The following POU2F1 variants were observed in gnomAD, a reference collection of about 807,000 sequenced individuals.
The protein encoded by POU2F1 is POU class 2 homeobox 1.
POU2F1 carries 16 observed loss-of-function variants against 84.9 expected under a neutral mutation model. That is an observed-to-expected ratio of 0.19 (90% CI 0.13 to 0.29). The LOEUF (loss-of-function observed/expected upper bound fraction) is 0.29. Ranked by LOEUF, POU2F1 falls within the 10% of genes least tolerant of loss-of-function variation. The pLI is 1.00. For synonymous variants in POU2F1, 368 were observed against 368.3 expected, an observed-to-expected ratio of 1.00 and a Z score of 0.01; for missense variants, 738 against 942.6, an observed-to-expected ratio of 0.78 and a Z score of 2.84.
chr1:167,370,143 TC>T lies in POU2F1; in HGVS notation c.229-14del. On this transcript the variant is annotated splice_polypyrimidine_tract_variant and intron_variant, in intron 3 of 15. Transcript: ENST00000367866. ...ATGTCAACAGTATTAAACTAGAACT[TC>T]CCCTGATTACTTATAGGTCCAACTC... The T allele has an allele frequency of 6.3e-7, 1 of 1,598,536 alleles. No homozygotes were observed. The highest frequency in any genetic ancestry group is 8.6e-7 in the Non-Finnish European group (1 of 1,169,556).
In POU2F1 at chr1:167,407,211, G is replaced by C. The variant is rs1649643676; in HGVS notation, c.1556-4748G>C. ...CGCCCAGCTAATATTTGTATTTTTT[G>C]TAGAGACGAGGTTTTGCCATATTGC... On this transcript the variant is annotated intron_variant, in intron 13 of 15. Transcript: ENST00000367866. 2.0e-5 allele frequency among the ~76,000 whole-genome samples: 3 copies of C among 151,810 alleles called. No homozygotes were observed. The South Asian group carries it at 6.3e-4, about 32-fold the overall frequency.
At chr1:167,342,696 G>A (rs934339421) in intron 2 of POU2F1, among the ~76,000 whole-genome samples, 4 of 152,128 alleles carry the variant, frequency 2.6e-5, no homozygotes, top group African/African-American at 9.7e-5. Context: ...CCAGAATGGA[G>A]CATTTGCAAA....
At chr1:167,272,373 C>G (rs531345648) in intron 1 of POU2F1, among the ~76,000 whole-genome samples, 9 of 131,186 alleles carry the variant, frequency 6.9e-5, no homozygotes, top group Non-Finnish European at 1.4e-4. Flanking sequence ...TAAGTATGTT[C>G]CCACACATTA....
rs775020459 is a variant in POU2F1 at position 167,220,926 on chromosome 1, A to G, written c.29A>G (p.Asp10Gly). 4.6e-5 allele frequency: 71 copies of G among 1,535,368 alleles called. No homozygotes were observed. The East Asian group carries it at 7.6e-4, about 16-fold the overall frequency. MADGGAASQ[D>G]ESSAAAAAAA... Reference sequence around the variant, plus strand: ...GCGGACGGAGGAGCAGCGAGTCAAGATGAGAGTTCAGCCGCGGCGGCAGCA... The same window carrying G: ...GCGGACGGAGGAGCAGCGAGTCAAGGTGAGAGTTCAGCCGCGGCGGCAGCA... The change falls in exon 1 of 16, where the codon GAT becomes GGT. Residue 10 changes from aspartate (D) to glycine (G), a missense_variant. Asp to Gly is a moderately conservative substitution (Grantham distance 94). Around this residue, in one of 4 missense-constraint regions of POU2F1, gnomAD observed 161 missense variants for 147.0 expected, o/e 1.10. Coordinates refer to ENST00000367866, the MANE Select transcript of POU2F1 (RefSeq NM_002697.4).
chr1:167,326,993 A>G (rs1656748995), intron 1 of POU2F1, among the ~76,000 whole-genome samples: 2 of 152,228 alleles, frequency 1.3e-5, no homozygotes, highest in African/African-American at 4.8e-5. Context: ...ATTTATTGAT[A>G]TCTACTGTAA....
intron 12 of POU2F1, among the ~76,000 whole-genome samples, chr1:167,400,939 T>C (rs1008549423): frequency 1.3e-5 from 2 of 152,216 alleles, no homozygotes; most frequent in Non-Finnish European, 2.9e-5. Flanking sequence ...CAATTTTGTT[T>C]TGTAAAGGTG....
At position 167,394,309 on chromosome 1, in the gene POU2F1, C is replaced by T. The variant is rs77035879; in HGVS notation, c.988-1977C>T. Reference sequence around the variant, plus strand: ...GTGCTGGGATTACAGTTGTGAGCCACCGTGCCCTGCCTGAATGAAGTAACA... The same window carrying T: ...GTGCTGGGATTACAGTTGTGAGCCATCGTGCCCTGCCTGAATGAAGTAACA... On this transcript the variant is annotated intron_variant, in intron 9 of 15. Coordinates refer to ENST00000367866, the MANE Select transcript of POU2F1 (RefSeq NM_002697.4). Among the ~76,000 whole-genome samples the T allele has an allele frequency of 4.7e-3, 709 of 152,236 alleles. 4 individuals carry two copies. Among genetic ancestry groups the T allele is most frequent in the African/African-American group, 0.016 (673 of 41,538 alleles).
intron 1 of POU2F1, among the ~76,000 whole-genome samples, chr1:167,284,692 T>G (rs1653396940): frequency 6.6e-6 from 1 of 152,224 alleles, no homozygotes. Context: ...ATTATATTTT[T>G]CCTCTTCAAA....
chr1:167,246,475 C>T (rs1650329000), intron 1 of POU2F1, among the ~76,000 whole-genome samples: 1 of 151,972 alleles, frequency 6.6e-6, no homozygotes, highest in Non-Finnish European at 1.5e-5. Context: ...TAGGTCTTTG[C>T]TTAAAAAATA....
intron 3 of POU2F1, 140 bp from the exon 4 acceptor site, chr1:167,370,021 A>C (rs1285447596): frequency 1.6e-6 from 1 of 607,202 alleles, no homozygotes; most frequent in Non-Finnish European, 2.6e-6. Context: ...CTTGTTCATA[A>C]AGTTTTAACT....
chr1:167,367,500 C>T (rs1007588037), intron 3 of POU2F1, among the ~76,000 whole-genome samples: 9 of 152,114 alleles, frequency 5.9e-5, no homozygotes, highest in South Asian at 2.1e-4. Context: ...AGACATTTCT[C>T]TCAGGGTGAT....
intron 1 of POU2F1, among the ~76,000 whole-genome samples, chr1:167,313,313 G>T (rs1359756227): frequency 6.6e-6 from 1 of 152,036 alleles, no homozygotes; most frequent in African/African-American, 2.4e-5. Flanking sequence ...TTTTTTTCTA[G>T]ACATGAACAA....
chr1:167,349,497 G>A (rs1402225821), intron 2 of POU2F1, among the ~76,000 whole-genome samples: 1 of 151,834 alleles, frequency 6.6e-6, no homozygotes, highest in Non-Finnish European at 1.5e-5. Context: ...TAAGCTCCAC[G>A]AAGGACATTA....
At chr1:167,347,369 A>C (rs1366409835) in intron 2 of POU2F1, among the ~76,000 whole-genome samples, 2 of 152,284 alleles carry the variant, frequency 1.3e-5, no homozygotes, top group South Asian at 2.1e-4. Flanking sequence ...AGAAATTGTT[A>C]ATCTTATTTT....
chr1:167,273,075 T>C (rs1336628647), intron 1 of POU2F1, among the ~76,000 whole-genome samples: 1 of 152,200 alleles, frequency 6.6e-6, no homozygotes, highest in Non-Finnish European at 1.5e-5. Flanking sequence ...ACAGGCCCTG[T>C]GCAAGTCCGA....
At chr1:167,338,379 T>C (rs150109427) in intron 2 of POU2F1, 2 of 375,126 alleles carry the variant, frequency 5.3e-6, no homozygotes, top group East Asian at 1.5e-4. Flanking sequence ...ATGCTTCTGG[T>C]CAACAGTAGG....
chr1:167,357,379 A>ACC (rs367718262), intron 2 of POU2F1: 4 of 30,264 alleles, frequency 1.3e-4, no homozygotes, highest in Non-Finnish European at 1.7e-4. Flanking sequence ...CCCCCCCCCC[A>ACC]CCCCCCCCCG....
Position 167,419,876 on chromosome 1 carries a change from A to G in POU2F1, c.*4066A>G, listed in dbSNP as rs900683575. On this transcript the variant is annotated 3_prime_UTR_variant, in exon 16 of 16. Transcript: ENST00000367866. ...TAAGAAATAAGTCTTTTTTGTTTAA[A>G]AAAGGGAAGATAAGATTAAAGATTC... The G allele has an allele frequency of 1.6e-4, 24 of 152,298 alleles. No individual in the cohort carries two copies. The highest frequency in any genetic ancestry group is 5.8e-4 in the African/African-American group (24 of 41,568). The allele number at this position is 152,298 out of a possible 1,614,324, so 9.4% of individuals were successfully genotyped here. A position where few individuals can be genotyped will look rare whatever the true frequency, so the allele number is the denominator to read the frequency against.
At chr1:167,352,446 C>A (rs1658642411) in intron 2 of POU2F1, among the ~76,000 whole-genome samples, 1 of 152,100 alleles carries the variant, frequency 6.6e-6, no homozygotes, top group South Asian at 2.1e-4. Context: ...TGTCACTTAG[C>A]TAATATTTGT....
Sources: allele counts gnomAD v4.1 joint callset (sites outside exome capture counted in the v4.1 genomes callset), GRCh38; gene constraint gnomAD v4.1.1; regional missense constraint gnomAD v4.1.1; transcripts MANE v1.5; gene names NCBI Gene and HGNC (gene_info 2026-07-23, HGNC 2026-07-21).